EIF3D: variants seen among roughly 807,000 people sequenced by gnomAD.
EIF3D encodes the protein eIF3 p66.
EIF3D carries 10 observed loss-of-function variants against 75.4 expected under a neutral mutation model. That is an observed-to-expected ratio of 0.13 (90% CI 0.08 to 0.22). The LOEUF is 0.22. Ranked by LOEUF, EIF3D falls within the 10% of genes least tolerant of loss-of-function variation. EIF3D has a pLI of 1.00. For synonymous variants in EIF3D, 246 were observed against 248.3 expected, an observed-to-expected ratio of 0.99 and a Z score of 0.09; for missense variants, 394 against 708.0, an observed-to-expected ratio of 0.56 and a Z score of 5.03.
At chr22:36,522,971 C>G (rs575750969) in intron 6 of EIF3D, 18 of 426,528 alleles carry the variant, frequency 4.2e-5, no homozygotes, top group Middle Eastern at 7.3e-4. Context: ...TACCCACTCT[C>G]AGGTATTCTG....
At position 36,517,245 on chromosome 22, in the gene EIF3D, C is replaced by T. The variant is rs1044600037; in HGVS notation, c.990+56G>A. On this transcript the variant is annotated intron_variant, in intron 10 of 14. Coordinates refer to ENST00000216190, the MANE Select transcript of EIF3D (RefSeq NM_003753.4). ...AGCCTAGCACAAAGCAGATGCTCCA[C>T]AAACAGCAGCTGATTAAATAAGAAT... The T allele has an allele frequency of 4.2e-5, 67 of 1,611,030 alleles. 1 individual carries two copies. The Admixed American group carries it at 1.1e-3, about 27-fold the overall frequency.
Position 36,523,960 on chromosome 22 carries a change from T to C in EIF3D, c.327A>G (p.Lys109=). The C allele has an allele frequency of 1.2e-6, 2 of 1,614,084 alleles. No homozygotes were observed. Among genetic ancestry groups the C allele is most frequent in the Non-Finnish European group, 1.7e-6 (2 of 1,179,990 alleles). The part of the protein sequence containing the change: ...RFAQRNLRRD[K]DRRNMLQFNL... ...TGAACTGCAACATGTTCCGACGATC[T>C]TTGTCTCTGCGGAGGTTCCTCTGGG... The change falls in exon 5 of 15, where the codon AAA becomes AAG. Residue 109 remains lysine, a synonymous_variant. Transcript: ENST00000216190.
At chr22:36,515,745 C>T (rs1472539104) in intron 12 of EIF3D, among the ~76,000 whole-genome samples, 3 of 151,992 alleles carry the variant, frequency 2.0e-5, no homozygotes, top group Non-Finnish European at 4.4e-5. Context: ...ACGGGTGAGA[C>T]CAGAGTAACG....
In EIF3D at chr22:36,516,730, T is replaced by G; in HGVS notation, c.1051A>C (p.Asn351His). 2 of 1,614,226 alleles carry G rather than the reference T, an allele frequency of 1.2e-6. No homozygotes were observed. The highest frequency in any genetic ancestry group is 1.7e-6 in the Non-Finnish European group (2 of 1,180,036). The change falls in exon 11 of 15, where the codon AAT becomes CAT. Residue 351 changes from asparagine (N) to histidine (H), a missense_variant. Physicochemically the swap from Asn to His is moderately conservative, Grantham distance 68. Coordinates refer to ENST00000216190, the MANE Select transcript of EIF3D (RefSeq NM_003753.4). Reference sequence around the variant, plus strand: ...CGGTACGCAACAGAGGCGATTTCATTCTTATCCATGTCGTCCTCCACAAAC... The same window carrying G: ...CGGTACGCAACAGAGGCGATTTCATGCTTATCCATGTCGTCCTCCACAAAC... ...NPFVEDDMDK[N>H]EIASVAYRYR...
At chr22:36,517,068 A>C in intron 10 of EIF3D, 1 of 621,450 alleles carries the variant, frequency 1.6e-6, no homozygotes, top group South Asian at 2.0e-5. Context: ...TTTATTATTT[A>C]TTGTTCACTG....
At chr22:36,516,406 G>A (rs1934427347) in intron 12 of EIF3D, 72 bp downstream of exon 12, 2 of 1,550,114 alleles carry the variant, frequency 1.3e-6, no homozygotes, top group Non-Finnish European at 1.8e-6. Flanking sequence ...ATACAACCTA[G>A]CCTGCGTAAA....
intron 8 of EIF3D, 56 bp downstream of exon 8, chr22:36,519,349 T>G: frequency 2.5e-6 from 4 of 1,608,232 alleles, no homozygotes; most frequent in Non-Finnish European, 3.4e-6. Flanking sequence ...CAGCTTCAGC[T>G]GTAGAAGCCG....
intron 6 of EIF3D, among the ~76,000 whole-genome samples, chr22:36,521,569 T>A (rs951393289): frequency 1.3e-5 from 2 of 152,144 alleles, no homozygotes; most frequent in Non-Finnish European, 2.9e-5. Context: ...CATCAGCATG[T>A]GAATGGCTCA....
chr22:36,525,972 T>C (rs376198532), intron 2 of EIF3D, 27 bp downstream of exon 2: 1 of 1,585,004 alleles, frequency 6.3e-7, no homozygotes, highest in Non-Finnish European at 8.6e-7. Flanking sequence ...GCTGCAAAGA[T>C]TCAGACTCCT....
At chr22:36,524,566 A>C in intron 4 of EIF3D, 30 bp downstream of exon 4, 1 of 1,613,894 alleles carries the variant, frequency 6.2e-7, no homozygotes, top group Non-Finnish European at 8.5e-7. Context: ...AACAGCCCCA[A>C]GATGGTGTGG....
At chr22:36,515,455 G>C (rs567653497) in intron 12 of EIF3D, among the ~76,000 whole-genome samples, 25 of 152,154 alleles carry the variant, frequency 1.6e-4, no homozygotes, top group Non-Finnish European at 2.2e-4. Context: ...TTGAGCCCGG[G>C]AGGTAGAGGT....
intron 1 of EIF3D, 61 bp from the exon 2 acceptor site, chr22:36,526,192 C>T: frequency 1.4e-6 from 2 of 1,477,170 alleles, no homozygotes; most frequent in South Asian, 1.4e-5. Flanking sequence ...ACAAAACACC[C>T]TCCATATGAA....
chr22:36,513,349 G>A (rs879395731), intron 12 of EIF3D, among the ~76,000 whole-genome samples: 15 of 151,758 alleles, frequency 9.9e-5, no homozygotes, highest in Non-Finnish European at 1.5e-4. Context: ...GTTGCCCAGG[G>A]TGGAGTGCAG....
At position 36,518,934 on chromosome 22, in the gene EIF3D, A is replaced by AGATG. The variant is rs1201620778; in HGVS notation, c.712-28_712-25dup. The AGATG allele has an allele frequency of 1.9e-6, 3 of 1,612,190 alleles. No homozygotes were observed. In the African/African-American group the frequency reaches 4.0e-5, roughly 22 times the overall value. ...AGCTGCAAAGAGGATCAAAGAGAGA[A>AGATG]GATGGAAAGACACTCCCAGGTCTCA... is the stretch of plus-strand genomic sequence containing the variant. On this transcript the variant is annotated intron_variant, in intron 8 of 14. Coordinates refer to ENST00000216190, the MANE Select transcript of EIF3D (RefSeq NM_003753.4).
At chr22:36,511,408 G>C (rs2145867200) in intron 14 of EIF3D, 95 bp downstream of exon 14, 1 of 1,546,884 alleles carries the variant, frequency 6.5e-7, no homozygotes, top group Non-Finnish European at 8.7e-7. Context: ...AATTCTCGAA[G>C]TTTTATCAAG....
In EIF3D at chr22:36,511,662, G is replaced by A. The variant is rs143945297; in HGVS notation, c.1474C>T (p.Arg492Cys). The A allele has an allele frequency of 8.1e-6, 13 of 1,613,988 alleles. No individual in the cohort carries two copies. The African/African-American group carries it at 9.3e-5, about 12-fold the overall frequency. Reference protein sequence around the residue: ...LSVENAWGILRCVIDICMKLE... With the variant: ...LSVENAWGILCCVIDICMKLE... Reference sequence around the variant, plus strand: ...TTCATGCAGATGTCAATGACGCAGCGTAAAATGCCCCAGGCATTCTCCACG... The same window carrying A: ...TTCATGCAGATGTCAATGACGCAGCATAAAATGCCCCAGGCATTCTCCACG... Residue 492 changes from arginine (R) to cysteine (C), a missense_variant, in exon 14 of 15, where the codon CGC becomes TGC. Arg to Cys is a radical substitution (Grantham distance 180). Coordinates refer to ENST00000216190, the MANE Select transcript of EIF3D (RefSeq NM_003753.4).
rs1934554714 is a variant in EIF3D at position 36,523,887 on chromosome 22, A to C, written c.392+8T>G. 6.2e-7 allele frequency: 1 copy of C among 1,613,320 alleles called. No homozygotes were observed. Among genetic ancestry groups the C allele is most frequent in the African/African-American group, 1.3e-5 (1 of 74,980 alleles). On this transcript the variant is annotated splice_region_variant and intron_variant, in intron 5 of 14. Coordinates refer to ENST00000216190, the MANE Select transcript of EIF3D (RefSeq NM_003753.4). ...GGGTGTCTTGTTCCAGCAGGATGAAAATCTCACCTCTCTTTCTGTTTGGCA... is the reference window on the plus strand; with the variant it reads ...GGGTGTCTTGTTCCAGCAGGATGAACATCTCACCTCTCTTTCTGTTTGGCA...
Position 36,515,681 on chromosome 22 carries a change from T to A in EIF3D, c.1206+797A>T, listed in dbSNP as rs576442907. On this transcript the variant is annotated intron_variant, in intron 12 of 14. Coordinates refer to ENST00000216190, the MANE Select transcript of EIF3D (RefSeq NM_003753.4). ...AAGAGAGCTGTCCAGGTGACTCCAC[T>A]GGGATCAAAAAGGAGGGGAGCCAGC... Among the ~76,000 whole-genome samples, 45 of 152,212 alleles carry A rather than the reference T, an allele frequency of 3.0e-4. No homozygotes were observed. The South Asian group carries it at 7.1e-3, about 24-fold the overall frequency.
intron 1 of EIF3D, among the ~76,000 whole-genome samples, chr22:36,526,481 T>C (rs563656693): frequency 6.6e-6 from 1 of 152,364 alleles, no homozygotes; most frequent in South Asian, 2.1e-4. Flanking sequence ...TAAAAAAATT[T>C]AATGGTGTCA....
Sources: allele counts gnomAD v4.1 joint callset (sites outside exome capture counted in the v4.1 genomes callset), GRCh38; gene constraint gnomAD v4.1.1; transcripts MANE v1.5; gene names NCBI Gene and HGNC (gene_info 2026-07-23, HGNC 2026-07-21).